CNTNAP2: variants seen among roughly 807,000 people sequenced by gnomAD.
The protein encoded by CNTNAP2 is contactin-associated protein-like 2.
A neutral mutation model predicts 155.2 loss-of-function variants in CNTNAP2; 98 were observed. The observed-to-expected ratio is 0.63, with a 90% confidence interval of 0.54 to 0.75. CNTNAP2 has a LOEUF of 0.75. Ranked by LOEUF, CNTNAP2 falls within the 30% of genes least tolerant of loss-of-function variation. CNTNAP2 has a pLI of 0.00. For synonymous variants in CNTNAP2, 651 were observed against 631.2 expected (o/e 1.03, Z -0.47); for missense variants, 1,727 against 1,688.1 (o/e 1.02, Z -0.40).
intron 15 of CNTNAP2, among the ~76,000 whole-genome samples, chr7:148,093,276 A>T (rs1803887435): frequency 1.3e-5 from 2 of 152,160 alleles, no homozygotes; most frequent in African/African-American, 2.4e-5. Context: ...GTGCATCAAC[A>T]CCGGCTATAT....
chr7:147,206,263 T>A (rs373494362), intron 8 of CNTNAP2, among the ~76,000 whole-genome samples: 82 of 139,104 alleles, frequency 5.9e-4, no homozygotes, highest in African/African-American at 6.2e-4. Flanking sequence ...TAAACCTGTA[T>A]AAAAAAAAAA....
At chr7:148,120,898 G>A (rs1248562910) in intron 16 of CNTNAP2, among the ~76,000 whole-genome samples, 1 of 152,144 alleles carries the variant, frequency 6.6e-6, no homozygotes, top group Non-Finnish European at 1.5e-5. Context: ...GCCTCATGGA[G>A]AGGGAGGCAG....
intron 15 of CNTNAP2, among the ~76,000 whole-genome samples, chr7:148,092,641 C>T (rs1803867781): frequency 6.6e-6 from 1 of 152,094 alleles, no homozygotes; most frequent in African/African-American, 2.4e-5. Context: ...ATTTAAAAAT[C>T]CTCCATGGTG....
intron 1 of CNTNAP2, among the ~76,000 whole-genome samples, chr7:146,404,994 C>T (rs922275758): frequency 6.6e-6 from 1 of 152,066 alleles, no homozygotes; most frequent in Non-Finnish European, 1.5e-5. Context: ...TTTCTAAGTA[C>T]AGAGTTACTG....
At chr7:146,739,353 T>G (rs952810586) in intron 1 of CNTNAP2, among the ~76,000 whole-genome samples, 2 of 151,944 alleles carry the variant, frequency 1.3e-5, no homozygotes, top group Non-Finnish European at 2.9e-5. Flanking sequence ...TGTTTCCATT[T>G]TCACTGGTCT....
chr7:147,431,323 GTCTC>G (rs995876711), intron 10 of CNTNAP2, among the ~76,000 whole-genome samples: 1 of 152,106 alleles, frequency 6.6e-6, no homozygotes, highest in Non-Finnish European at 1.5e-5. Context: ...TAGAGATGGT[GTCTC>G]TCTATCTCTT....
intron 8 of CNTNAP2, among the ~76,000 whole-genome samples, chr7:147,283,963 A>G (rs1239531514): frequency 6.6e-6 from 1 of 151,344 alleles, no homozygotes; most frequent in African/African-American, 2.4e-5. Flanking sequence ...CTAAGATACA[A>G]TATTCAAGTG....
chr7:148,050,928 G>A (rs1802877268), intron 15 of CNTNAP2, among the ~76,000 whole-genome samples: 1 of 152,184 alleles, frequency 6.6e-6, no homozygotes, highest in South Asian at 2.1e-4. Context: ...GCCTAGGTAT[G>A]TAGTAGGCTA....
intron 1 of CNTNAP2, among the ~76,000 whole-genome samples, chr7:146,366,993 A>G (rs1031801173): frequency 6.6e-6 from 1 of 152,150 alleles, no homozygotes; most frequent in African/African-American, 2.4e-5. Flanking sequence ...ACCATAGTTA[A>G]TTTCAAAATA....
chr7:147,537,623 C>T (rs181231111), intron 11 of CNTNAP2, among the ~76,000 whole-genome samples: 3 of 151,996 alleles, frequency 2.0e-5, no homozygotes, highest in Admixed American at 2.0e-4. Context: ...CCAATGCTAA[C>T]ACAATATAAG....
At chr7:147,269,084 T>C (rs1218146997) in intron 8 of CNTNAP2, among the ~76,000 whole-genome samples, 1 of 152,128 alleles carries the variant, frequency 6.6e-6, no homozygotes, top group East Asian at 1.9e-4. Flanking sequence ...TAACCTGGCT[T>C]CCCTTCCTTA....
At chr7:147,781,344 G>A (rs1797658991) in intron 13 of CNTNAP2, among the ~76,000 whole-genome samples, 1 of 152,086 alleles carries the variant, frequency 6.6e-6, no homozygotes, top group African/African-American at 2.4e-5. Context: ...TTTTGCCTGT[G>A]GTAATGGCAA....
chr7:146,514,591 A>C lies in CNTNAP2; in HGVS notation c.98-259680A>C, dbSNP rs1049830044. 3.3e-5 allele frequency among the ~76,000 whole-genome samples: 5 copies of C among 151,078 alleles called. No homozygotes were observed. In the South Asian group the frequency reaches 6.2e-4, roughly 19 times the overall value. ...TTGATATTTTTAATGACTTTAATCT[A>C]TTTGTTGAATTTCTGTAATAAATTT... On this transcript the variant is annotated intron_variant, in intron 1 of 23. Coordinates refer to ENST00000361727, the MANE Select transcript of CNTNAP2 (RefSeq NM_014141.6).
chr7:148,265,102 C>T (rs1168460838), intron 20 of CNTNAP2, among the ~76,000 whole-genome samples: 1 of 152,128 alleles, frequency 6.6e-6, no homozygotes, highest in Admixed American at 6.5e-5. Flanking sequence ...AACCATTTAA[C>T]AAAAGAGAGT....
intron 10 of CNTNAP2, among the ~76,000 whole-genome samples, chr7:147,424,870 T>C (rs1450361505): frequency 6.6e-6 from 1 of 152,142 alleles, no homozygotes; most frequent in Non-Finnish European, 1.5e-5. Context: ...CCTTTTGACC[T>C]TCACATCCAG....
intron 7 of CNTNAP2, 32 bp downstream of exon 7, chr7:147,128,868 A>C (rs778625366): frequency 6.2e-7 from 1 of 1,613,420 alleles, no homozygotes; most frequent in South Asian, 1.1e-5. Flanking sequence ...ATATTGGTCT[A>C]TAAAATATCA....
At chr7:146,667,468 G>A (rs986122880) in intron 1 of CNTNAP2, among the ~76,000 whole-genome samples, 1 of 150,668 alleles carries the variant, frequency 6.6e-6, no homozygotes, top group Non-Finnish European at 1.5e-5. Flanking sequence ...GGTCTTTTGT[G>A]GTTTCATACA....
At chr7:148,411,317 G>A (rs547999885) in intron 23 of CNTNAP2, among the ~76,000 whole-genome samples, 3 of 152,192 alleles carry the variant, frequency 2.0e-5, no homozygotes, top group African/African-American at 7.2e-5. Context: ...CCAGGCTGGA[G>A]TGCAGTGGCG....
chr7:148,280,647 G>A (rs910211987), intron 21 of CNTNAP2, among the ~76,000 whole-genome samples: 1 of 152,100 alleles, frequency 6.6e-6, no homozygotes, highest in South Asian at 2.1e-4. Flanking sequence ...AGCCGGGCAC[G>A]GTGGCTCATG....
Sources: allele counts gnomAD v4.1 joint callset (sites outside exome capture counted in the v4.1 genomes callset), GRCh38; gene constraint gnomAD v4.1.1; transcripts MANE v1.5; gene names NCBI Gene and HGNC (gene_info 2026-07-23, HGNC 2026-07-21).